The following RARS1 variants were observed in gnomAD, a reference collection of about 807,000 sequenced individuals.
RARS1 encodes the protein arginyl-tRNA synthetase 1, also known as arginine--tRNA ligase, cytoplasmic.
A neutral mutation model predicts 78.7 loss-of-function variants in RARS1; 75 were observed. The ratio of observed to expected loss-of-function variants is 0.95; its 90% CI spans 0.79 to 1.15. RARS1 has a LOEUF of 1.15. Ranked by LOEUF, RARS1 falls within the 50% of genes most tolerant of loss-of-function variation. The pLI is 0.00. For missense variants in RARS1, 787 were observed against 787.5 expected (o/e 1.00, Z 0.01); for synonymous variants, 273 against 268.2 (o/e 1.02, Z -0.18).
At chr5:168,490,224 A>C (rs1407307383) in intron 2 of RARS1, among the ~76,000 whole-genome samples, 1 of 152,186 alleles carries the variant, frequency 6.6e-6, no homozygotes, top group East Asian at 1.9e-4. Context: ...TTTCCATAGA[A>C]TCTTCCCAAA....
In RARS1 at chr5:168,488,721, G is replaced by A. The variant is rs934243773; in HGVS notation, c.165G>A (p.Leu55=). ...QEENLKLKYR[L]NILRKSLQAE... ...AAAATTTAAAATTAAAGTATCGACT[G>A]AATATTCTTCGAAAGGTGAGTACTT... The change falls in exon 2 of 15, where the codon CTG becomes CTA. Residue 55 remains leucine (L), a synonymous_variant. Transcript: ENST00000231572. 28 of 1,606,784 alleles carry A rather than the reference G, an allele frequency of 1.7e-5. No homozygotes were observed. In the East Asian group the frequency reaches 6.0e-4, roughly 35 times the overall value.
chr5:168,486,990 A>G (rs897028990), intron 1 of RARS1, among the ~76,000 whole-genome samples: 4 of 151,988 alleles, frequency 2.6e-5, no homozygotes, highest in Admixed American at 6.6e-5. Context: ...TAATAAGCCC[A>G]TGGGGTGATT....
intron 6 of RARS1, among the ~76,000 whole-genome samples, chr5:168,496,141 G>T (rs1054257666): frequency 1.3e-5 from 2 of 152,054 alleles, no homozygotes; most frequent in Admixed American, 6.6e-5. Context: ...AGCACTTTGG[G>T]AGGCCAAGGA....
chr5:168,490,770 A>G (rs1758065093), intron 2 of RARS1, among the ~76,000 whole-genome samples: 1 of 152,318 alleles, frequency 6.6e-6, no homozygotes, highest in Non-Finnish European at 1.5e-5. Flanking sequence ...TGCCAAAACT[A>G]AGCACAGTAG....
At chr5:168,487,690 A>G (rs1183644227) in intron 1 of RARS1, among the ~76,000 whole-genome samples, 1 of 152,148 alleles carries the variant, frequency 6.6e-6, no homozygotes, top group Admixed American at 6.5e-5. Context: ...ATCTCCCAGT[A>G]AGTATTCTGA....
chr5:168,502,155 CA>C, intron 9 of RARS1, 50 bp downstream of exon 9: 1 of 1,566,484 alleles, frequency 6.4e-7, no homozygotes, highest in Non-Finnish European at 8.6e-7. Context: ...CAAACATAGG[CA>C]AAAGTGGATA....
chr5:168,493,557 C>T (rs751662451), intron 3 of RARS1, among the ~76,000 whole-genome samples: 1 of 148,610 alleles, frequency 6.7e-6, no homozygotes, highest in Non-Finnish European at 1.5e-5. Flanking sequence ...ATTGCTTGAA[C>T]CCAGGGGCGG....
At chr5:168,506,594 A>G in intron 10 of RARS1, 128 bp from the exon 11 acceptor site, 1 of 661,314 alleles carries the variant, frequency 1.5e-6, no homozygotes, top group Non-Finnish European at 2.6e-6. Flanking sequence ...AGGTTTTATA[A>G]TAGCACTTGT....
chr5:168,514,987 G>A (rs1758635036), intron 12 of RARS1, among the ~76,000 whole-genome samples: 1 of 152,050 alleles, frequency 6.6e-6, no homozygotes, highest in Non-Finnish European at 1.5e-5. Flanking sequence ...CTTATAAGCT[G>A]TACTCTGTTT....
chr5:168,510,642 C>T lies in RARS1; in HGVS notation c.1408C>T (p.Leu470=). The T allele has an allele frequency of 6.2e-7, 1 of 1,610,954 alleles. No homozygotes were observed. Among genetic ancestry groups the T allele is most frequent in the African/African-American group, 1.3e-5 (1 of 74,782 alleles). ...VRLMDLLGEG[L]KRSMDKLKEK... ...CCTCATGGATCTTCTGGGAGAAGGA[C>T]TAAAACGATCCATGGACAAGTTGAA... The change falls in exon 12 of 15, where the codon CTA becomes TTA. Residue 470 remains leucine, a synonymous_variant. Transcript: ENST00000231572.
chr5:168,503,392 G>A (rs1758370530), intron 9 of RARS1, among the ~76,000 whole-genome samples: 1 of 152,136 alleles, frequency 6.6e-6, no homozygotes, highest in Non-Finnish European at 1.5e-5. Context: ...AAACAGGTAG[G>A]GTAGTAGAAG....
intron 2 of RARS1, among the ~76,000 whole-genome samples, chr5:168,490,319 T>C (rs1447055544): frequency 6.6e-6 from 1 of 152,214 alleles, no homozygotes; most frequent in African/African-American, 2.4e-5. Flanking sequence ...TTCAAAAGTA[T>C]TATTAAATGT....
chr5:168,491,946 CTT>C (rs149780336), intron 2 of RARS1, among the ~76,000 whole-genome samples: 4,164 of 102,486 alleles, frequency 0.041, 38 homozygotes, highest in Non-Finnish European at 0.049. Context: ...TGTCATTCAC[CTT>C]TTTTTTTTTT....
chr5:168,511,023 A>C (rs1758553719), intron 12 of RARS1, among the ~76,000 whole-genome samples: 1 of 152,134 alleles, frequency 6.6e-6, no homozygotes, highest in Non-Finnish European at 1.5e-5. Context: ...TACATGTGCC[A>C]TGCTCCTTCT....
At chr5:168,502,543 T>A (rs1429904459) in intron 9 of RARS1, among the ~76,000 whole-genome samples, 1 of 149,630 alleles carries the variant, frequency 6.7e-6, no homozygotes, top group Non-Finnish European at 1.5e-5. Context: ...TAAATAGAGT[T>A]CAAATTTCCC....
intron 9 of RARS1, among the ~76,000 whole-genome samples, chr5:168,502,384 A>ATATTTTT (rs1280220276): frequency 2.4e-5 from 3 of 127,226 alleles, no homozygotes; most frequent in Non-Finnish European, 3.2e-5. Flanking sequence ...ATATATATAT[A>ATATTTTT]TTTTTTTTTT....
intron 12 of RARS1, among the ~76,000 whole-genome samples, chr5:168,513,699 CATT>C (rs929397832): frequency 6.6e-6 from 1 of 151,404 alleles, no homozygotes; most frequent in Non-Finnish European, 1.5e-5. Flanking sequence ...GCCCATTTAT[CATT>C]ATTATTATTA....
chr5:168,488,389 A>G, intron 1 of RARS1: 1 of 496,274 alleles, frequency 2.0e-6, no homozygotes, highest in Non-Finnish European at 3.5e-6. Flanking sequence ...AGGCCTCCCA[A>G]AGTGCTGGGA....
At chr5:168,496,575 T>C (rs555203417) in intron 6 of RARS1, among the ~76,000 whole-genome samples, 1 of 151,640 alleles carries the variant, frequency 6.6e-6, no homozygotes, top group African/African-American at 2.4e-5. Context: ...CTCTACCTCC[T>C]GGGTTCACGC....
Sources: gnomAD v4.1 joint callset for allele counts (sites outside exome capture counted in the v4.1 genomes callset) on GRCh38, gnomAD v4.1.1 for gene constraint, MANE v1.5 for transcripts, NCBI Gene and HGNC (gene_info 2026-07-23, HGNC 2026-07-21) for gene names.